TPRG1: variants seen among roughly 807,000 people sequenced by gnomAD.
TPRG1 encodes tumor protein p63 regulated 1.
A neutral mutation model predicts 29.3 loss-of-function variants in TPRG1; 29 were observed. The observed-to-expected ratio is 0.99, with a 90% confidence interval of 0.74 to 1.35. The LOEUF (loss-of-function observed/expected upper bound fraction) is 1.35. TPRG1 is among the 40% of genes most tolerant of loss of function. TPRG1 has a pLI of 0.00. For synonymous variants in TPRG1, 130 were observed against 116.8 expected (o/e 1.11, Z -0.73); for missense variants, 327 against 335.0 (o/e 0.98, Z 0.19).
intron 4 of TPRG1, among the ~76,000 whole-genome samples, chr3:189,239,439 G>C (rs910391438): frequency 3.3e-5 from 5 of 152,178 alleles, no homozygotes; most frequent in African/African-American, 1.2e-4. Context: ...TGGGGACACA[G>C]CCAAACCATG....
intron 4 of TPRG1, among the ~76,000 whole-genome samples, chr3:189,147,901 T>A (rs1239045962): frequency 6.6e-6 from 1 of 152,202 alleles, no homozygotes; most frequent in African/African-American, 2.4e-5. Flanking sequence ...TCCCAAGTGC[T>A]GAAAAGATGG....
chr3:189,286,276 T>TA (rs1367903796), intron 4 of TPRG1, among the ~76,000 whole-genome samples: 21 of 152,060 alleles, frequency 1.4e-4, no homozygotes, highest in African/African-American at 5.1e-4. Flanking sequence ...CCCACTGCAT[T>TA]AGTCTTGTTG....
intron 1 of TPRG1, among the ~76,000 whole-genome samples, chr3:188,998,045 A>G (rs848987): frequency 0.97 from 147,647 of 152,222 alleles, 71,755 homozygotes; most frequent in East Asian, 1. Flanking sequence ...AAAAACATAC[A>G]AAGTTCTTGC....
At position 189,073,184 on chromosome 3, in the gene TPRG1, T is replaced by G. The variant is rs559829016; in HGVS notation, c.-463+49238T>G. ...TTCATAGACAGACCTAGGAAATAGATACCTATATGGAATCAGAAGTTTCTA... is the reference window on the plus strand; with the variant it reads ...TTCATAGACAGACCTAGGAAATAGAGACCTATATGGAATCAGAAGTTTCTA... On this transcript the variant is annotated intron_variant, in intron 4 of 10. Transcript: ENST00000433971. 3.3e-5 allele frequency among the ~76,000 whole-genome samples: 5 copies of G among 152,338 alleles called. No individual in the cohort carries two copies. In the South Asian group the frequency reaches 6.2e-4, roughly 19 times the overall value.
chr3:189,157,910 G>A (rs1726912714), intron 5 of TPRG1, among the ~76,000 whole-genome samples: 1 of 152,160 alleles, frequency 6.6e-6, no homozygotes, highest in East Asian at 1.9e-4. Flanking sequence ...CTGGTGCTGA[G>A]TATTATACAA....
At chr3:189,297,759 A>G (rs192401925) in intron 4 of TPRG1, among the ~76,000 whole-genome samples, 1 of 152,278 alleles carries the variant, frequency 6.6e-6, no homozygotes, top group East Asian at 1.9e-4. Flanking sequence ...CTGTCCTTCA[A>G]AGAGCATATC....
chr3:189,185,302 C>A (rs1730768392), intron 1 of TPRG1, among the ~76,000 whole-genome samples: 1 of 152,068 alleles, frequency 6.6e-6, no homozygotes, highest in Admixed American at 6.6e-5. Flanking sequence ...CGGCTCACTG[C>A]AGCCTTAACC....
chr3:189,124,613 A>C (rs1488788207), intron 1 of TPRG1, among the ~76,000 whole-genome samples: 1 of 151,852 alleles, frequency 6.6e-6, no homozygotes, highest in Non-Finnish European at 1.5e-5. Context: ...GCTTTTCTTC[A>C]TTAACTCATT....
chr3:189,003,999 G>C (rs142423630), intron 2 of TPRG1, among the ~76,000 whole-genome samples: 8 of 152,202 alleles, frequency 5.3e-5, no homozygotes, highest in African/African-American at 1.9e-4. Flanking sequence ...TCGCCATTTT[G>C]TCCGAGTAAA....
At chr3:189,131,377 G>T (rs568538471) in intron 2 of TPRG1, among the ~76,000 whole-genome samples, 1 of 152,202 alleles carries the variant, frequency 6.6e-6, no homozygotes, top group South Asian at 2.1e-4. Flanking sequence ...GTATCTATAT[G>T]TGTGTTTATA....
intron 2 of TPRG1, among the ~76,000 whole-genome samples, chr3:189,214,237 T>C (rs1560561658): frequency 4.6e-5 from 7 of 152,216 alleles, no homozygotes; most frequent in Admixed American, 2.6e-4. Context: ...ATTTCATGAC[T>C]CTTTACTTAA....
At chr3:189,107,882 A>G (rs1040330465) in intron 1 of TPRG1, among the ~76,000 whole-genome samples, 4 of 152,200 alleles carry the variant, frequency 2.6e-5, no homozygotes, top group Non-Finnish European at 4.4e-5. Flanking sequence ...TGGAAGAGAA[A>G]TTTCTTATAA....
chr3:189,259,054 A>C (rs1712476499), intron 4 of TPRG1, among the ~76,000 whole-genome samples: 1 of 151,686 alleles, frequency 6.6e-6, no homozygotes, highest in African/African-American at 2.4e-5. Flanking sequence ...TATGAAAAAA[A>C]CTCCTGCAGC....
At chr3:189,239,976 G>A (rs1329169021) in intron 4 of TPRG1, among the ~76,000 whole-genome samples, 3 of 152,052 alleles carry the variant, frequency 2.0e-5, no homozygotes, top group Non-Finnish European at 2.9e-5. Context: ...TGAATGTGAG[G>A]TCTTCCCATT....
chr3:189,293,547 T>A (rs1719370497), intron 4 of TPRG1, among the ~76,000 whole-genome samples: 1 of 152,036 alleles, frequency 6.6e-6, no homozygotes, highest in Non-Finnish European at 1.5e-5. Context: ...TCAGGAATAG[T>A]CTCATTTCCC....
intron 3 of TPRG1, among the ~76,000 whole-genome samples, chr3:189,008,219 C>A (rs1020770603): frequency 4.6e-5 from 7 of 152,026 alleles, no homozygotes; most frequent in Non-Finnish European, 7.4e-5. Context: ...GTGAGCAATG[C>A]GAGTGCCATC....
At chr3:189,196,377 G>A (rs1732530608) in intron 1 of TPRG1, among the ~76,000 whole-genome samples, 1 of 152,152 alleles carries the variant, frequency 6.6e-6, no homozygotes, top group Non-Finnish European at 1.5e-5. Flanking sequence ...CTGTTATCAT[G>A]CTACTAATAA....
intron 4 of TPRG1, among the ~76,000 whole-genome samples, chr3:189,302,272 G>T (rs142583302): frequency 6.6e-6 from 1 of 152,288 alleles, no homozygotes; most frequent in East Asian, 1.9e-4. Flanking sequence ...CAGTAAAGAC[G>T]TATTGAATGA....
intron 4 of TPRG1, among the ~76,000 whole-genome samples, chr3:189,081,905 T>G (rs1237070154): frequency 6.6e-6 from 1 of 152,222 alleles, no homozygotes; most frequent in East Asian, 1.9e-4. Context: ...GGTTGGAATT[T>G]GCCTGGGATT....
Sources: gnomAD v4.1 joint callset for allele counts (sites outside exome capture counted in the v4.1 genomes callset) on GRCh38, gnomAD v4.1.1 for gene constraint, MANE v1.5 for transcripts, NCBI Gene and HGNC (gene_info 2026-07-23, HGNC 2026-07-21) for gene names.